Variants in TXLNB observed in about 807,000 individuals in gnomAD.
TXLNB encodes the protein beta-taxilin.
A neutral mutation model predicts 57.4 loss-of-function variants in TXLNB; 37 were observed. The observed-to-expected ratio is 0.64, with a 90% confidence interval of 0.50 to 0.85. TXLNB has a LOEUF of 0.85. Among genes scored for constraint, TXLNB ranks in the 40% least tolerant of loss-of-function variants. The pLI is 0.00. For synonymous variants in TXLNB, 302 were observed against 309.6 expected, an observed-to-expected ratio of 0.98 and a Z score of 0.26; for missense variants, 848 against 825.6, an observed-to-expected ratio of 1.03 and a Z score of -0.33.
chr6:139,319,995 T>C, the TXLNB span, among the ~76,000 whole-genome samples: 1 of 152,176 alleles, frequency 6.6e-6, no homozygotes, highest in African/African-American at 2.4e-5. Context: ...TATGGCCATA[T>C]ATATATAAAT....
chr6:139,217,764 G>A, the TXLNB span, among the ~76,000 whole-genome samples: 1 of 151,344 alleles, frequency 6.6e-6, no homozygotes, highest in Non-Finnish European at 1.5e-5. Context: ...AGCTACTCGG[G>A]TGGCTGAGGC....
At chr6:139,318,492 T>C in the TXLNB span, among the ~76,000 whole-genome samples, 2 of 151,866 alleles carry the variant, frequency 1.3e-5, no homozygotes, top group Non-Finnish European at 2.9e-5. Context: ...TGACACAAGA[T>C]ATCAAGTCAA....
At chr6:139,229,685 G>A in the TXLNB span, among the ~76,000 whole-genome samples, 99,196 of 152,020 alleles carry the variant, frequency 0.65, 32,922 homozygotes, top group East Asian at 0.81. Flanking sequence ...CAAACTGCCC[G>A]TTCACATCCC....
At chr6:139,175,725 G>A in the TXLNB span, among the ~76,000 whole-genome samples, 10 of 152,238 alleles carry the variant, frequency 6.6e-5, 2 homozygotes, top group South Asian at 1.4e-3. Flanking sequence ...TGACTGCACC[G>A]TGTGACTCCT....
the TXLNB span, among the ~76,000 whole-genome samples, chr6:139,218,443 C>T: frequency 6.6e-6 from 1 of 152,092 alleles, no homozygotes; most frequent in Non-Finnish European, 1.5e-5. Context: ...TGCAAAGCAG[C>T]AATTTTGTGA....
chr6:139,318,298 G>A, the TXLNB span, among the ~76,000 whole-genome samples: 1 of 148,308 alleles, frequency 6.7e-6, no homozygotes, highest in Non-Finnish European at 1.5e-5. Context: ...AGAAAAGAAA[G>A]GATTATGGAA....
chr6:139,319,103 C>T, the TXLNB span, among the ~76,000 whole-genome samples: 550 of 151,790 alleles, frequency 3.6e-3, 5 homozygotes, highest in South Asian at 0.024. Flanking sequence ...CCATCATGCC[C>T]GGCTAATGTT....
intron 6 of TXLNB, among the ~76,000 whole-genome samples, chr6:139,256,762 T>G (rs772312029): frequency 3.3e-5 from 5 of 152,250 alleles, no homozygotes; most frequent in Non-Finnish European, 5.9e-5. Flanking sequence ...GCTTCTAACA[T>G]GCATCAGAAT....
intron 1 of TXLNB, among the ~76,000 whole-genome samples, chr6:139,291,340 A>G (rs544846644): frequency 1.3e-5 from 2 of 152,368 alleles, no homozygotes; most frequent in African/African-American, 4.8e-5. Context: ...TAAAATCTCA[A>G]GTAAAATGAA....
rs1341238503 is a variant in TXLNB at position 139,241,256 on chromosome 6, G to A, written c.*1270C>T. On this transcript the variant is annotated 3_prime_UTR_variant, in exon 10 of 10. Coordinates refer to ENST00000358430, the MANE Select transcript of TXLNB (RefSeq NM_153235.4). ...GAGAAATCCTCATGGCAGAAAACGTGTTGGTTTGTAAGCCTCATCACTGAT... is the reference window on the plus strand; with the variant it reads ...GAGAAATCCTCATGGCAGAAAACGTATTGGTTTGTAAGCCTCATCACTGAT... 1 of 152,162 alleles carries A rather than the reference G, an allele frequency of 6.6e-6. No individual in the cohort carries two copies. Among genetic ancestry groups the A allele is most frequent in the Non-Finnish European group, 1.5e-5 (1 of 68,020 alleles). 9.4% of individuals were successfully genotyped at this position (152,162 alleles called of 1,614,324 possible). A position where few individuals can be genotyped will look rare whatever the true frequency, so the allele number is the denominator to read the frequency against.
At chr6:139,215,209 G>A in the TXLNB span, among the ~76,000 whole-genome samples, 6 of 152,020 alleles carry the variant, frequency 3.9e-5, no homozygotes, top group South Asian at 2.1e-4. Context: ...GAGGCATCAC[G>A]CTACCTGACT....
the TXLNB span, among the ~76,000 whole-genome samples, chr6:139,173,204 A>G: frequency 6.6e-6 from 1 of 152,102 alleles, no homozygotes; most frequent in Non-Finnish European, 1.5e-5. Context: ...AGTTCTTGTC[A>G]TCCTTCCCCC....
chr6:139,247,776 T>C (rs760455895), intron 8 of TXLNB, 41 bp downstream of exon 8: 2 of 1,426,244 alleles, frequency 1.4e-6, no homozygotes, highest in Non-Finnish European at 9.7e-7. Context: ...CCTGTCAAAA[T>C]AGAAAATGTC....
the TXLNB span, among the ~76,000 whole-genome samples, chr6:139,167,925 A>G: frequency 2.6e-5 from 4 of 152,162 alleles, no homozygotes; most frequent in African/African-American, 9.7e-5. Flanking sequence ...CATAAATTGA[A>G]TGACACGAGG....
At chr6:139,225,927 T>C in the TXLNB span, among the ~76,000 whole-genome samples, 1 of 152,176 alleles carries the variant, frequency 6.6e-6, no homozygotes, top group Non-Finnish European at 1.5e-5. Flanking sequence ...AGATTTATTA[T>C]GAAGCTACAG....
At chr6:139,266,591 G>T (rs1002971535) in intron 4 of TXLNB, among the ~76,000 whole-genome samples, 2 of 152,104 alleles carry the variant, frequency 1.3e-5, no homozygotes, top group African/African-American at 4.8e-5. Context: ...AGACTGACTC[G>T]AAGACCTGTG....
Position 139,240,444 on chromosome 6 carries a change from A to G in TXLNB, c.*2082T>C, listed in dbSNP as rs1775906535. ...TGAACTTTGGGTTTTAGAATATTTG[A>G]TTTACTGCCTTTGGGTTCCTCTGCT... On this transcript the variant is annotated 3_prime_UTR_variant, in exon 10 of 10. Coordinates refer to ENST00000358430, the MANE Select transcript of TXLNB (RefSeq NM_153235.4). 1 of 152,626 alleles carries G rather than the reference A, an allele frequency of 6.6e-6. No individual in the cohort carries two copies. The highest frequency in any genetic ancestry group is 1.5e-5 in the Non-Finnish European group (1 of 68,040). The allele number at this position is 152,626 out of a possible 1,614,324, so 9.5% of individuals were successfully genotyped here.
At chr6:139,166,912 C>G in the TXLNB span, 2 of 1,614,070 alleles carry the variant, frequency 1.2e-6, no homozygotes. Context: ...TCTTAAAGAA[C>G]GCCATCCATC....
chr6:139,229,548 C>T, the TXLNB span, among the ~76,000 whole-genome samples: 3 of 152,262 alleles, frequency 2.0e-5, no homozygotes, highest in South Asian at 4.1e-4. Context: ...GTCTCGAACT[C>T]CTGACCTTAG....
Sources: allele counts gnomAD v4.1 joint callset (sites outside exome capture counted in the v4.1 genomes callset), GRCh38; gene constraint gnomAD v4.1.1; transcripts MANE v1.5; gene names NCBI Gene and HGNC (gene_info 2026-07-23, HGNC 2026-07-21).